Variants in MROH2B observed in about 807,000 individuals in gnomAD.
MROH2B encodes the protein maestro heat-like repeat-containing protein family member 2B.
MROH2B carries 177 observed loss-of-function variants against 208.6 expected under a neutral mutation model. That is an observed-to-expected ratio of 0.85 (90% CI 0.75 to 0.96). The LOEUF (loss-of-function observed/expected upper bound fraction) is 0.96. Ranked by LOEUF, MROH2B falls within the 40% of genes least tolerant of loss-of-function variation. The pLI is 0.00. For synonymous variants in MROH2B, 728 were observed against 659.0 expected (o/e 1.10, Z -1.60); for missense variants, 2,002 against 1,878.7 (o/e 1.07, Z -1.21).
chr5:41,049,409 C>A lies in MROH2B; in HGVS notation c.1372G>T (p.Val458Leu). ...QVLWPRILTFVVPAEYTEALE... is the reference protein window; with the variant it reads ...QVLWPRILTFLVPAEYTEALE... ...GCTTCTGTGTATTCTGCAGGTACCA[C>A]AAAAGTCAGGATCCTTGGCCATAGC... is the stretch of plus-strand genomic sequence containing the variant. The change falls in exon 14 of 42, where the codon GTG becomes TTG. Residue 458 changes from valine to leucine, a missense_variant. Val to Leu is a conservative substitution (Grantham distance 32). Transcript: ENST00000399564. 1.2e-6 allele frequency: 2 copies of A among 1,613,116 alleles called. No individual in the cohort carries two copies. The highest frequency in any genetic ancestry group is 2.2e-5 in the East Asian group (1 of 44,874).
At chr5:41,014,905 G>A (rs1180600576) in intron 29 of MROH2B, among the ~76,000 whole-genome samples, 1 of 152,256 alleles carries the variant, frequency 6.6e-6, no homozygotes, top group East Asian at 1.9e-4. Context: ...CAGTGAAACA[G>A]GAATTGTATT....
intron 36 of MROH2B, 79 bp downstream of exon 36, chr5:41,004,695 A>G: frequency 6.4e-7 from 1 of 1,550,616 alleles, no homozygotes; most frequent in Non-Finnish European, 8.7e-7. Context: ...ATTTGTATGC[A>G]ACAACTAGGC....
chr5:41,004,921 C>T lies in MROH2B; in HGVS notation c.3865-1G>A. ...TCCAAAGGATTGGTTCCTTCATGAG[C>T]TGAAATAATCAACACACTCCTCCCG... On this transcript the variant is annotated splice_acceptor_variant, in intron 35 of 41. Transcript: ENST00000399564. LOFTEE classifies it high-confidence loss of function. 6.2e-7 allele frequency: 1 copy of T among 1,613,398 alleles called. No homozygotes were observed. The highest frequency in any genetic ancestry group is 1.1e-5 in the South Asian group (1 of 90,956).
intron 40 of MROH2B, 141 bp downstream of exon 40, chr5:40,999,536 G>A (rs1032230780): frequency 3.1e-5 from 18 of 578,558 alleles, no homozygotes; most frequent in Admixed American, 1.4e-4. Flanking sequence ...GTTACATGAC[G>A]TAAGATAAAA....
intron 33 of MROH2B, among the ~76,000 whole-genome samples, chr5:41,007,841 T>C (rs983890894): frequency 1.3e-5 from 2 of 152,254 alleles, no homozygotes; most frequent in Non-Finnish European, 2.9e-5. Context: ...CTATTGTCTG[T>C]ACATTCACAT....
Position 41,064,530 on chromosome 5 carries a change from G to A in MROH2B, c.402C>T (p.Thr134=), listed in dbSNP as rs773570781. The change falls in exon 5 of 42, where the codon ACC becomes ACT. Residue 134 remains threonine (T), a synonymous_variant. Coordinates refer to ENST00000399564, the MANE Select transcript of MROH2B (RefSeq NM_173489.5). ...SIPFMMMTLL[T]MQTMLRLAED... ...CGGCCAGCCTGAGCATGGTTTGCAT[G>A]GTGAGCAGGGTCATCATCATGAAAG... The A allele has an allele frequency of 3.1e-6, 5 of 1,613,294 alleles. No homozygotes were observed. In the South Asian group the frequency reaches 3.3e-5, roughly 11 times the overall value.
intron 37 of MROH2B, among the ~76,000 whole-genome samples, chr5:41,002,672 C>G (rs1406495934): frequency 6.6e-6 from 1 of 152,104 alleles, no homozygotes; most frequent in East Asian, 1.9e-4. Flanking sequence ...GAGTTGACAC[C>G]TATTAGAGAT....
chr5:41,018,302 A>T, intron 27 of MROH2B, 39 bp downstream of exon 27: 1 of 1,572,464 alleles, frequency 6.4e-7, no homozygotes, highest in Middle Eastern at 1.7e-4. Flanking sequence ...CCTGCTGTTC[A>T]CAAGCAATAA....
At chr5:41,067,304 G>C (rs1169433362) in intron 2 of MROH2B, 86 bp from the exon 3 acceptor site, 1 of 708,754 alleles carries the variant, frequency 1.4e-6, no homozygotes, top group Non-Finnish European at 2.5e-6. Flanking sequence ...CACCATTAAA[G>C]TAAGCAATAT....
At chr5:41,003,846 G>C (rs1741482935) in intron 37 of MROH2B, among the ~76,000 whole-genome samples, 1 of 152,144 alleles carries the variant, frequency 6.6e-6, no homozygotes, top group Non-Finnish European at 1.5e-5. Context: ...ACTAAAATGT[G>C]CTTCCTGGAA....
At position 41,005,595 on chromosome 5, in the gene MROH2B, A is replaced by T. The variant is rs200758080; in HGVS notation, c.3800T>A (p.Leu1267Gln). 333 of 1,612,232 alleles carry T rather than the reference A, an allele frequency of 2.1e-4. No homozygotes were observed. Among genetic ancestry groups the T allele is most frequent in the Non-Finnish European group, 2.2e-4 (254 of 1,179,234 alleles). The change falls in exon 35 of 42, where the codon CTG becomes CAG. Residue 1267 changes from leucine (L) to glutamine (Q), a missense_variant. Transcript: ENST00000399564. Reference sequence around the variant, plus strand: ...CGAGGAGGAGGTAAGAGATGAGAGCAGCTGTTCCATGATGTCCAGTATGAC... The same window carrying T: ...CGAGGAGGAGGTAAGAGATGAGAGCTGCTGTTCCATGATGTCCAGTATGAC... ...HGVILDIMEQ[L>Q]LSSLTSSSEN...
intron 13 of MROH2B, among the ~76,000 whole-genome samples, chr5:41,049,788 C>A (rs919299014): frequency 1.3e-5 from 2 of 152,164 alleles, no homozygotes; most frequent in African/African-American, 4.8e-5. Context: ...AACCAAAAAT[C>A]CCCCAAGTAC....
chr5:41,005,157 C>T (rs1205780359), intron 35 of MROH2B: 2 of 549,428 alleles, frequency 3.6e-6, no homozygotes, highest in East Asian at 2.9e-5. Context: ...GATGTCTAGT[C>T]TCAATGGAAA....
intron 17 of MROH2B, 42 bp downstream of exon 17, chr5:41,047,679 C>G: frequency 6.4e-7 from 1 of 1,551,268 alleles, no homozygotes; most frequent in Non-Finnish European, 8.8e-7. Context: ...CAGCTGATTT[C>G]ATCATGCCAT....
intron 24 of MROH2B, among the ~76,000 whole-genome samples, chr5:41,023,283 A>C (rs1248758926): frequency 6.6e-6 from 1 of 152,230 alleles, no homozygotes; most frequent in Non-Finnish European, 1.5e-5. Context: ...CAAGGAAGCT[A>C]AAAATCTTGA....
chr5:41,017,185 T>G (rs1055855493), intron 28 of MROH2B, among the ~76,000 whole-genome samples: 1 of 152,238 alleles, frequency 6.6e-6, no homozygotes, highest in African/African-American at 2.4e-5. Context: ...AGGGCTGTCC[T>G]TGGTGAAACA....
At position 41,021,103 on chromosome 5, in the gene MROH2B, T is replaced by C. The variant is rs142425016; in HGVS notation, c.2442-2085A>G. Among the ~76,000 whole-genome samples, 96 of 152,312 alleles carry C rather than the reference T, an allele frequency of 6.3e-4. 1 individual carries two copies. The highest frequency in any genetic ancestry group is 6.8e-3 in the Middle Eastern group (2 of 294). ...AAATGAATTCAGCAAAGTTGTGAGA[T>C]ACAAAATCAACCTACCAAAATCTGT... On this transcript the variant is annotated intron_variant, in intron 24 of 41. Coordinates refer to ENST00000399564, the MANE Select transcript of MROH2B (RefSeq NM_173489.5).
intron 24 of MROH2B, among the ~76,000 whole-genome samples, chr5:41,024,329 G>C (rs1485888157): frequency 6.8e-6 from 1 of 147,868 alleles, no homozygotes; most frequent in Non-Finnish European, 1.5e-5. Flanking sequence ...AAAATAAAGG[G>C]ATGAAGGAAG....
chr5:41,044,013 G>A (rs1022386235), intron 18 of MROH2B, among the ~76,000 whole-genome samples: 1 of 151,594 alleles, frequency 6.6e-6, no homozygotes, highest in Non-Finnish European at 1.5e-5. Flanking sequence ...GCTGAGGTGG[G>A]TGGATCATGA....
Sources: allele counts gnomAD v4.1 joint callset (sites outside exome capture counted in the v4.1 genomes callset), GRCh38; gene constraint gnomAD v4.1.1; transcripts MANE v1.5; gene names NCBI Gene and HGNC (gene_info 2026-07-23, HGNC 2026-07-21).